Variants in DOCK4 observed in about 807,000 individuals in gnomAD.
DOCK4 encodes the protein dedicator of cytokinesis protein 4.
In DOCK4, 97 loss-of-function variants were observed where a neutral mutation model predicts 268.1. That is an observed-to-expected ratio of 0.36 (90% CI 0.31 to 0.43). DOCK4 has a LOEUF of 0.43. Ranked by LOEUF, DOCK4 falls within the 20% of genes least tolerant of loss-of-function variation. The probability of loss-of-function intolerance (pLI) is 1.00; values close to 1 mark genes in which losing one functional copy is unlikely to be tolerated. For synonymous variants in DOCK4, 954 were observed against 887.2 expected, an observed-to-expected ratio of 1.08 and a Z score of -1.34; for missense variants, 2,145 against 2,455.7, an observed-to-expected ratio of 0.87 and a Z score of 2.67.
chr7:111,897,544 C>T (rs1300504222), intron 15 of DOCK4, among the ~76,000 whole-genome samples: 1 of 152,082 alleles, frequency 6.6e-6, no homozygotes. Flanking sequence ...CATACTGGCC[C>T]GTAAGAGCTG....
chr7:112,144,997 A>G (rs1815319634), intron 1 of DOCK4, among the ~76,000 whole-genome samples: 1 of 152,184 alleles, frequency 6.6e-6, no homozygotes, highest in African/African-American at 2.4e-5. Flanking sequence ...CACTTAAGCT[A>G]TAAATGCAGA....
At chr7:112,039,791 C>T (rs942031655) in intron 1 of DOCK4, among the ~76,000 whole-genome samples, 1 of 152,120 alleles carries the variant, frequency 6.6e-6, no homozygotes, top group Non-Finnish European at 1.5e-5. Context: ...CTTTATTTCC[C>T]ATGTTAATAA....
chr7:111,923,098 C>G (rs1046363300), intron 12 of DOCK4, among the ~76,000 whole-genome samples: 1 of 152,102 alleles, frequency 6.6e-6, no homozygotes, highest in African/African-American at 2.4e-5. Context: ...AACACAACAA[C>G]AGTAACCACA....
chr7:111,828,160 T>C (rs1319002270), intron 26 of DOCK4, among the ~76,000 whole-genome samples: 1 of 152,186 alleles, frequency 6.6e-6, no homozygotes, highest in Admixed American at 6.5e-5. Context: ...CACTACCTAG[T>C]GTTTACTTTT....
At position 111,900,528 on chromosome 7, in the gene DOCK4, G is replaced by A. The variant is rs1224903030; in HGVS notation, c.1326C>T (p.Ile442=). The A allele has an allele frequency of 1.2e-6, 2 of 1,610,180 alleles. No homozygotes were observed. Among genetic ancestry groups the A allele is most frequent in the African/African-American group, 2.7e-5 (2 of 74,878 alleles). Residue 442 remains isoleucine (I), a synonymous_variant, in exon 15 of 53, where the codon ATC becomes ATT. Transcript: ENST00000428084. ...CTGGTGGCTCCCCAGAGCCGAAGGA[G>A]ATAAAATCCTAACAAAGGGAAGAAC... is the stretch of plus-strand genomic sequence containing the variant. ...DSSGQTLKDF[I]SFGSGEPPAS... is the part of the protein sequence containing the mutation.
At chr7:112,063,638 GA>G (rs1291324323) in intron 1 of DOCK4, among the ~76,000 whole-genome samples, 2 of 152,124 alleles carry the variant, frequency 1.3e-5, no homozygotes, top group Non-Finnish European at 2.9e-5. Flanking sequence ...TCATAAAGTC[GA>G]AAAATTGTTA....
At chr7:111,906,187 T>C (rs374448896) in intron 13 of DOCK4, among the ~76,000 whole-genome samples, 1 of 152,156 alleles carries the variant, frequency 6.6e-6, no homozygotes, top group East Asian at 1.9e-4. Flanking sequence ...AGGAAGGTAG[T>C]AGTCCTGTGT....
intron 13 of DOCK4, among the ~76,000 whole-genome samples, chr7:111,906,771 C>A (rs1369944686): frequency 6.6e-6 from 1 of 152,082 alleles, no homozygotes; most frequent in Non-Finnish European, 1.5e-5. Context: ...AACACAGAGG[C>A]CGGAATGACT....
chr7:111,877,900 C>T (rs1333748773), intron 16 of DOCK4, among the ~76,000 whole-genome samples: 1 of 152,158 alleles, frequency 6.6e-6, no homozygotes, highest in African/African-American at 2.4e-5. Context: ...CAGATTACTT[C>T]CTACTGGCAA....
intron 1 of DOCK4, among the ~76,000 whole-genome samples, chr7:112,099,963 GA>G (rs1360163816): frequency 2.0e-5 from 3 of 152,022 alleles, no homozygotes; most frequent in African/African-American, 7.2e-5. Flanking sequence ...TGCAAAACAA[GA>G]ACTCACAAAT....
At chr7:111,838,576 T>G (rs1296938844) in intron 25 of DOCK4, among the ~76,000 whole-genome samples, 3 of 152,302 alleles carry the variant, frequency 2.0e-5, no homozygotes, top group Non-Finnish European at 4.4e-5. Flanking sequence ...AAAAACTATG[T>G]AGTATATGAT....
At chr7:111,783,125 G>C (rs975869553) in intron 34 of DOCK4, among the ~76,000 whole-genome samples, 6 of 152,130 alleles carry the variant, frequency 3.9e-5, no homozygotes, top group Non-Finnish European at 7.4e-5. Context: ...AATCTCTAGG[G>C]AATCTGGGGA....
intron 1 of DOCK4, among the ~76,000 whole-genome samples, chr7:112,133,616 G>A (rs550502951): frequency 6.6e-6 from 1 of 152,120 alleles, no homozygotes; most frequent in East Asian, 1.9e-4. Flanking sequence ...CGCTACTTGA[G>A]GGCTGAGGCA....
chr7:112,196,770 G>A (rs1820488437), intron 1 of DOCK4, among the ~76,000 whole-genome samples: 1 of 151,936 alleles, frequency 6.6e-6, no homozygotes, highest in African/African-American at 2.4e-5. Flanking sequence ...GCTTTATTGA[G>A]GTATTGTTAA....
intron 8 of DOCK4, among the ~76,000 whole-genome samples, chr7:111,952,895 T>C (rs984904835): frequency 6.6e-6 from 1 of 152,146 alleles, no homozygotes; most frequent in Admixed American, 6.5e-5. Flanking sequence ...AAAAATCCCA[T>C]GTAGCATATC....
intron 24 of DOCK4, among the ~76,000 whole-genome samples, chr7:111,846,762 T>C (rs1804141309): frequency 6.6e-6 from 1 of 152,176 alleles, no homozygotes; most frequent in East Asian, 1.9e-4. Flanking sequence ...TTTTTCTCAC[T>C]CAGTATGCAG....
chr7:112,067,292 T>A (rs1255663516), intron 1 of DOCK4, among the ~76,000 whole-genome samples: 1 of 149,652 alleles, frequency 6.7e-6, no homozygotes, highest in Non-Finnish European at 1.5e-5. Flanking sequence ...AACTGGCTAC[T>A]GCCATGATAC....
intron 35 of DOCK4, among the ~76,000 whole-genome samples, chr7:111,782,557 G>C (rs888878764): frequency 6.6e-6 from 1 of 152,122 alleles, no homozygotes; most frequent in African/African-American, 2.4e-5. Flanking sequence ...ACAGCAACAA[G>C]ACTCTAGGAG....
intron 27 of DOCK4, among the ~76,000 whole-genome samples, chr7:111,815,618 C>G (rs1484741502): frequency 7.1e-6 from 1 of 140,052 alleles, no homozygotes; most frequent in East Asian, 1.9e-4. Context: ...TTATTTCCTT[C>G]CTTCCTTCCC....
Sources: gnomAD v4.1 joint callset for allele counts (sites outside exome capture counted in the v4.1 genomes callset) on GRCh38, gnomAD v4.1.1 for gene constraint, MANE v1.5 for transcripts, NCBI Gene and HGNC (gene_info 2026-07-23, HGNC 2026-07-21) for gene names.